FNDC3A: variants seen among roughly 807,000 people sequenced by gnomAD.
The protein encoded by FNDC3A is fibronectin type III domain containing 3A, also known as fibronectin type-III domain-containing protein 3A.
A neutral mutation model predicts 148.9 loss-of-function variants in FNDC3A; 32 were observed. The ratio of observed to expected loss-of-function variants is 0.21; its 90% confidence interval spans 0.16 to 0.29. FNDC3A has a LOEUF of 0.29. Ranked by LOEUF, FNDC3A falls within the 10% of genes least tolerant of loss-of-function variation. The pLI is 1.00. For synonymous variants in FNDC3A, 472 were observed against 473.6 expected (o/e 1.00, Z 0.04); for missense variants, 1,191 against 1,452.8 (o/e 0.82, Z 2.93).
At chr13:48,976,533 C>T (rs1422762306) in intron 1 of FNDC3A, 5 of 152,492 alleles carry the variant, frequency 3.3e-5, no homozygotes, top group Admixed American at 2.6e-4. Context: ...CGGCCCTTCT[C>T]TCTGTCCCCC....
chr13:49,060,177 G>A (rs117452165), intron 2 of FNDC3A, among the ~76,000 whole-genome samples: 68 of 152,296 alleles, frequency 4.5e-4, no homozygotes, highest in Non-Finnish European at 8.4e-4. Context: ...CCAAAGGAAC[G>A]TGTATATCCA....
At chr13:49,045,713 T>A in intron 2 of FNDC3A, 1 of 1,155,902 alleles carries the variant, frequency 8.7e-7, no homozygotes, top group Non-Finnish European at 1.2e-6. Context: ...CTTGGACCTC[T>A]TGATTTTCAA....
At chr13:49,031,805 T>G (rs1257636305) in intron 2 of FNDC3A, among the ~76,000 whole-genome samples, 1 of 152,154 alleles carries the variant, frequency 6.6e-6, no homozygotes, top group Non-Finnish European at 1.5e-5. Context: ...TTGAATAATT[T>G]TGTGTTGTAA....
rs574944020 is a variant in FNDC3A, at chr13:49,028,228, T to A, written c.99+21939T>A. Among the ~76,000 whole-genome samples, 1,117 of 151,232 alleles carry A rather than the reference T, an allele frequency of 7.4e-3. 6 individuals carry two copies. The highest frequency in any genetic ancestry group is 0.011 in the Non-Finnish European group (761 of 67,694). On this transcript the variant is annotated intron_variant, in intron 2 of 25. Coordinates refer to ENST00000492622, the MANE Select transcript of FNDC3A (RefSeq NM_001079673.2). ...AGACTCTGTCTTAAAAAAAAAAAAATTCATGATTTAACTATGTGCACTCTA... is the reference window on the plus strand; with the variant it reads ...AGACTCTGTCTTAAAAAAAAAAAAAATCATGATTTAACTATGTGCACTCTA...
At chr13:49,125,712 A>T (rs1195204523) in intron 4 of FNDC3A, among the ~76,000 whole-genome samples, 1 of 152,348 alleles carries the variant, frequency 6.6e-6, no homozygotes, top group East Asian at 1.9e-4. Flanking sequence ...GCTAGGTACT[A>T]TTCCAGGTCC....
chr13:49,062,582 C>T (rs1876973831), intron 2 of FNDC3A, among the ~76,000 whole-genome samples: 1 of 152,206 alleles, frequency 6.6e-6, no homozygotes, highest in African/African-American at 2.4e-5. Flanking sequence ...TATGTGCCCT[C>T]TCCTTGAAGT....
intron 20 of FNDC3A, 68 bp from the exon 21 acceptor site, chr13:49,197,657 G>C: frequency 2.2e-6 from 3 of 1,366,654 alleles, no homozygotes; most frequent in Non-Finnish European, 3.0e-6. Context: ...CAGGTAAAGA[G>C]CATTTTTGGC....
chr13:49,021,276 C>T (rs1394333993), intron 2 of FNDC3A, among the ~76,000 whole-genome samples: 4 of 152,106 alleles, frequency 2.6e-5, no homozygotes, highest in Admixed American at 2.6e-4. Context: ...TTCTTGTTTT[C>T]CCTATTGTTA....
intron 2 of FNDC3A, among the ~76,000 whole-genome samples, chr13:49,056,756 T>A (rs1459397514): frequency 6.6e-6 from 1 of 152,220 alleles, no homozygotes; most frequent in Non-Finnish European, 1.5e-5. Flanking sequence ...AAGCAGTTTT[T>A]ATTGTTCTTC....
At chr13:49,116,290 A>T (rs1353081267) in intron 4 of FNDC3A, among the ~76,000 whole-genome samples, 3 of 152,096 alleles carry the variant, frequency 2.0e-5, no homozygotes, top group Admixed American at 2.0e-4. Context: ...TCCTCTTTTC[A>T]TAAACTTATG....
intron 24 of FNDC3A, 63 bp from the exon 25 acceptor site, chr13:49,203,094 C>T (rs1886494140): frequency 9.4e-7 from 1 of 1,062,660 alleles, no homozygotes; most frequent in Non-Finnish European, 1.4e-6. Flanking sequence ...AGACAAGTGT[C>T]TGCATGATGT....
intron 1 of FNDC3A, among the ~76,000 whole-genome samples, chr13:48,978,699 G>C (rs890714064): frequency 6.6e-6 from 1 of 151,634 alleles, no homozygotes; most frequent in Admixed American, 6.6e-5. Context: ...ATTGCCTAGC[G>C]GACTTCAAAT....
At chr13:49,161,708 G>A (rs1449314979) in intron 8 of FNDC3A, among the ~76,000 whole-genome samples, 1 of 152,152 alleles carries the variant, frequency 6.6e-6, no homozygotes, top group East Asian at 1.9e-4. Flanking sequence ...CATCGATGAT[G>A]TTTACAATTT....
chr13:49,198,939 A>G (rs933418968), intron 23 of FNDC3A, among the ~76,000 whole-genome samples: 6 of 152,178 alleles, frequency 3.9e-5, no homozygotes, highest in Non-Finnish European at 8.8e-5. Flanking sequence ...TGTTTTCTGT[A>G]ATCCATTTAC....
At chr13:49,203,401 A>G in intron 25 of FNDC3A, 117 bp downstream of exon 25, 1 of 684,498 alleles carries the variant, frequency 1.5e-6, no homozygotes, top group Non-Finnish European at 2.4e-6. Flanking sequence ...TTTATTCAGT[A>G]TATATTATGT....
intron 8 of FNDC3A, among the ~76,000 whole-genome samples, chr13:49,161,411 A>G (rs1450944563): frequency 1.3e-5 from 2 of 152,164 alleles, no homozygotes; most frequent in African/African-American, 4.8e-5. Flanking sequence ...ATTGGAGACT[A>G]GGACTGCAAC....
intron 2 of FNDC3A, among the ~76,000 whole-genome samples, chr13:49,047,820 A>G (rs1937182): frequency 0.98 from 149,806 of 152,312 alleles, 73,699 homozygotes; most frequent in South Asian, 1. Flanking sequence ...ATTAACCCTT[A>G]TTTTTATTGC....
chr13:49,150,519 C>T (rs1173085701), intron 8 of FNDC3A, among the ~76,000 whole-genome samples: 3 of 152,006 alleles, frequency 2.0e-5, no homozygotes, highest in African/African-American at 7.2e-5. Flanking sequence ...ATTTGTCCCT[C>T]TACCAGTGGT....
chr13:49,110,710 T>G (rs1880509827), intron 3 of FNDC3A, among the ~76,000 whole-genome samples: 1 of 152,186 alleles, frequency 6.6e-6, no homozygotes, highest in South Asian at 2.1e-4. Context: ...ATAGAGAATG[T>G]GTAGCACAGC....
Sources: allele counts gnomAD v4.1 joint callset (sites outside exome capture counted in the v4.1 genomes callset), GRCh38; gene constraint gnomAD v4.1.1; transcripts MANE v1.5; gene names NCBI Gene and HGNC (gene_info 2026-07-23, HGNC 2026-07-21).